Variants in ZNF273 observed in about 807,000 individuals in gnomAD.
ZNF273 encodes the protein zinc finger protein 9.
Under a neutral mutation model 14.9 loss-of-function variants are expected in ZNF273, and 11 were observed. The observed-to-expected ratio is 0.74, with a 90% confidence interval of 0.46 to 1.22. ZNF273 has a LOEUF of 1.22. Ranked by LOEUF, ZNF273 falls within the 50% of genes most tolerant of loss-of-function variation. ZNF273 has a pLI of 0.00. For synonymous variants in ZNF273, 199 were observed against 223.9 expected (o/e 0.89, Z 0.99); for missense variants, 577 against 660.6 (o/e 0.87, Z 1.39).
upstream of ZNF273, among the ~76,000 whole-genome samples, chr7:64,901,014 T>TG (rs1792680047): frequency 6.7e-6 from 1 of 149,864 alleles, no homozygotes; most frequent in African/African-American, 2.4e-5. Context: ...TTATTTTTTT[T>TG]TTTTTGTAGA....
Position 64,928,616 on chromosome 7 carries a change from T to C in ZNF273, c.1288T>C (p.Tyr430His). ...GAGAATTTATACTAAAGAGAAACCA[T>C]ACAAATGTGAAGAATGTGGAAAAGC... ...HKRIYTKEKP[Y>H]KCEECGKAFS... The change falls in exon 4 of 4, where the codon TAC becomes CAC. Residue 430 changes from tyrosine (Y) to histidine (H), a missense_variant. Transcript: ENST00000476120. 1 of 1,613,366 alleles carries C rather than the reference T, an allele frequency of 6.2e-7. No individual in the cohort carries two copies. Among genetic ancestry groups the C allele is most frequent in the South Asian group, 1.1e-5 (1 of 91,010 alleles).
intron 1 of ZNF273, among the ~76,000 whole-genome samples, chr7:64,916,294 CTT>C (rs937653925): frequency 2.0e-5 from 3 of 149,132 alleles, no homozygotes; most frequent in Non-Finnish European, 4.4e-5. Context: ...ATCCCATACA[CTT>C]TTGGAGGTTG....
At chr7:64,933,489 C>G (rs548399649), downstream of ZNF273, 2 of 152,270 alleles carry the variant, frequency 1.3e-5, no homozygotes, top group African/African-American at 4.8e-5. Context: ...AACACCTGCC[C>G]TTTTAGTGTC....
chr7:64,878,628 G>T (rs900009313), intron 2 of ZNF273: 2 of 152,160 alleles, frequency 1.3e-5, no homozygotes, highest in African/African-American at 4.8e-5. Context: ...TTTGCACACC[G>T]TAGCCGGATT....
chr7:64,894,419 G>C (rs942313705), downstream of ZNF273, among the ~76,000 whole-genome samples: 3 of 152,148 alleles, frequency 2.0e-5, no homozygotes, highest in Admixed American at 2.0e-4. Context: ...GGTAATCTAA[G>C]ATTGGTGTAT....
chr7:64,893,066 A>G (rs1451225316), downstream of ZNF273, among the ~76,000 whole-genome samples: 1 of 151,866 alleles, frequency 6.6e-6, no homozygotes, highest in Non-Finnish European at 1.5e-5. Context: ...CAGCTTGCTT[A>G]TCTATGTTTG....
intron 1 of ZNF273, among the ~76,000 whole-genome samples, chr7:64,886,682 A>G (rs1791601090): frequency 6.6e-6 from 1 of 152,208 alleles, no homozygotes; most frequent in Non-Finnish European, 1.5e-5. Flanking sequence ...GACTGAGACC[A>G]AGGTGGTGAA....
chr7:64,918,244 AAAGAGCCCTGCAATATG>A lies in ZNF273; in HGVS notation c.283_299del (p.Pro95ThrfsTer42). 1 of 1,571,690 alleles carries A rather than the reference AAAGAGCCCTGCAATATG, an allele frequency of 6.4e-7. No individual in the cohort carries two copies. Among genetic ancestry groups the A allele is most frequent in the South Asian group, 1.1e-5 (1 of 90,644 alleles). On this transcript the variant is annotated frameshift_variant, in exon 3 of 4. Transcript: ENST00000476120. LOFTEE classifies it low-confidence loss of function (END_TRUNC). ...CCTGATCACTTGTCTGGAGCAAGGA[AAAGAGCCCTGCAATATG>A]AAGAGACATGCGATGGTAGCCAAAC...
intron 1 of ZNF273, among the ~76,000 whole-genome samples, chr7:64,916,294 C>A (rs1793979283): frequency 2.0e-5 from 3 of 149,132 alleles, no homozygotes; most frequent in African/African-American, 7.4e-5. Context: ...ATCCCATACA[C>A]TTTTGGAGGT....
chr7:64,881,474 C>T (rs562884904), downstream of ZNF273, among the ~76,000 whole-genome samples: 9 of 152,368 alleles, frequency 5.9e-5, no homozygotes, highest in South Asian at 1.2e-3. Context: ...CCGTTACATC[C>T]GCCAACAAGG....
At chr7:64,932,674 C>A (rs1004564405), downstream of ZNF273, among the ~76,000 whole-genome samples, 2 of 152,034 alleles carry the variant, frequency 1.3e-5, no homozygotes, top group African/African-American at 4.8e-5. Context: ...GTAATCCTAG[C>A]ACTTTGGGAG....
downstream of ZNF273, chr7:64,893,693 TCCCCTC>T (rs1461844119): frequency 2.5e-3 from 58 of 23,050 alleles, no homozygotes; most frequent in African/African-American, 0.011. Flanking sequence ...CCCCTCCCCC[TCCCCTC>T]CCCCTCCCCT....
downstream of ZNF273, among the ~76,000 whole-genome samples, chr7:64,881,177 C>T (rs191827732): frequency 2.8e-3 from 433 of 152,326 alleles, 3 homozygotes; most frequent in African/African-American, 0.01. Context: ...CAAACCCAGG[C>T]CATTCTGGCC....
chr7:64,905,420 C>CTTTT (rs34374261), intron 1 of ZNF273, among the ~76,000 whole-genome samples: 1 of 84,226 alleles, frequency 1.2e-5, no homozygotes, highest in African/African-American at 3.9e-5. Flanking sequence ...GCTGGCCACA[C>CTTTT]TTTTTTTTTT....
downstream of ZNF273, among the ~76,000 whole-genome samples, chr7:64,933,887 C>T (rs1795038940): frequency 6.6e-6 from 1 of 152,174 alleles, no homozygotes; most frequent in African/African-American, 2.4e-5. Context: ...GAGCACTTCA[C>T]ATTTTCTTAG....
At chr7:64,893,007 T>C (rs1792128536), downstream of ZNF273, among the ~76,000 whole-genome samples, 1 of 152,124 alleles carries the variant, frequency 6.6e-6, no homozygotes, top group African/African-American at 2.4e-5. Flanking sequence ...GGCCCACAGG[T>C]AGCCCTTTTC....
At chr7:64,917,015 C>T in intron 1 of ZNF273, 5 of 1,271,466 alleles carry the variant, frequency 3.9e-6, no homozygotes, top group Middle Eastern at 3.3e-4. Flanking sequence ...TAAAGGCTCT[C>T]ATCTTTGTTT....
downstream of ZNF273, among the ~76,000 whole-genome samples, chr7:64,890,262 G>A (rs1238447846): frequency 6.7e-6 from 1 of 148,442 alleles, no homozygotes; most frequent in Non-Finnish European, 1.5e-5. Context: ...CAGGACATCT[G>A]CGTGTCTCAG....
At chr7:64,883,196 G>T, downstream of ZNF273, among the ~76,000 whole-genome samples, 1 of 144,598 alleles carries the variant, frequency 6.9e-6, no homozygotes. Flanking sequence ...GCTGAGACGC[G>T]CAGGAGCCCA....
Sources: allele counts gnomAD v4.1 joint callset (sites outside exome capture counted in the v4.1 genomes callset), GRCh38; gene constraint gnomAD v4.1.1; transcripts MANE v1.5; gene names NCBI Gene and HGNC (gene_info 2026-07-23, HGNC 2026-07-21).